Variants in RNLS observed in about 807,000 individuals in gnomAD.
RNLS encodes the protein renalase, FAD dependent amine oxidase, also known as renalase.
A neutral mutation model predicts 39.8 loss-of-function variants in RNLS; 39 were observed. The observed-to-expected ratio is 0.98, with a 90% CI of 0.76 to 1.28. The LOEUF (loss-of-function observed/expected upper bound fraction) is 1.28. Among genes scored for constraint, RNLS ranks in the 50% most tolerant of loss-of-function variants. The pLI, the probability that RNLS is intolerant of heterozygous loss-of-function variation, is 0.00. For missense variants in RNLS, 410 were observed against 413.3 expected, an observed-to-expected ratio of 0.99 and a Z score of 0.07; for synonymous variants, 147 against 150.7, an observed-to-expected ratio of 0.98 and a Z score of 0.18.
downstream of RNLS, among the ~76,000 whole-genome samples, chr10:88,272,996 C>T (rs1589440900): frequency 6.6e-6 from 1 of 152,150 alleles, no homozygotes; most frequent in South Asian, 2.1e-4. Context: ...TATCCTCCCT[C>T]GGGTGATGCT....
the RNLS span, among the ~76,000 whole-genome samples, chr10:88,246,970 T>G: frequency 6.4e-4 from 97 of 152,294 alleles, no homozygotes; most frequent in Middle Eastern, 0.02. Context: ...TAGGCCAAAA[T>G]GGAAAGCAGT....
intron 5 of RNLS, among the ~76,000 whole-genome samples, chr10:88,319,165 T>C (rs1845988965): frequency 6.6e-6 from 1 of 151,958 alleles, no homozygotes; most frequent in African/African-American, 2.4e-5. Flanking sequence ...CTACCCACAA[T>C]GAAGGACCCA....
chr10:88,470,453 C>T (rs1843455118), intron 4 of RNLS, among the ~76,000 whole-genome samples: 1 of 152,096 alleles, frequency 6.6e-6, no homozygotes, highest in South Asian at 2.1e-4. Flanking sequence ...CAAGTTAATG[C>T]TATAATCATC....
At chr10:88,367,769 T>C (rs1230452082) in intron 4 of RNLS, among the ~76,000 whole-genome samples, 1 of 152,136 alleles carries the variant, frequency 6.6e-6, no homozygotes, top group Non-Finnish European at 1.5e-5. Flanking sequence ...TGGTGACTAA[T>C]ATTTGAAAAT....
chr10:88,333,883 C>T (rs548916215), intron 5 of RNLS, among the ~76,000 whole-genome samples: 1 of 152,108 alleles, frequency 6.6e-6, no homozygotes, highest in Admixed American at 6.5e-5. Flanking sequence ...AGCAAGAAGT[C>T]GCCACCTCTG....
chr10:88,397,609 AT>A (rs1249645988), intron 4 of RNLS, among the ~76,000 whole-genome samples: 3 of 151,988 alleles, frequency 2.0e-5, no homozygotes, highest in South Asian at 2.1e-4. Context: ...AAGAAAAAAA[AT>A]AATAACTATT....
intron 4 of RNLS, among the ~76,000 whole-genome samples, chr10:88,489,902 T>C (rs1298039858): frequency 6.6e-6 from 1 of 152,160 alleles, no homozygotes; most frequent in Non-Finnish European, 1.5e-5. Context: ...CCCTAACTCT[T>C]TTATGAATTA....
intron 4 of RNLS, among the ~76,000 whole-genome samples, chr10:88,391,461 G>A (rs1172999404): frequency 6.6e-6 from 1 of 152,172 alleles, no homozygotes; most frequent in African/African-American, 2.4e-5. Flanking sequence ...GGGAGGCTGA[G>A]GCAGGAGAAT....
intron 5 of RNLS, among the ~76,000 whole-genome samples, chr10:88,318,156 G>A (rs1436803974): frequency 6.6e-6 from 1 of 152,200 alleles, no homozygotes; most frequent in East Asian, 1.9e-4. Flanking sequence ...CTGCCCTTGA[G>A]TCACCACACC....
chr10:88,239,147 T>G, the RNLS span, among the ~76,000 whole-genome samples: 1 of 152,152 alleles, frequency 6.6e-6, no homozygotes, highest in Non-Finnish European at 1.5e-5. Context: ...GGGGCTCTCC[T>G]GAAATGTTTG....
the RNLS span, among the ~76,000 whole-genome samples, chr10:88,252,394 C>A: frequency 6.6e-6 from 1 of 152,090 alleles, no homozygotes; most frequent in African/African-American, 2.4e-5. Context: ...TTTAGGTGTC[C>A]AATCCCTTAC....
intron 4 of RNLS, among the ~76,000 whole-genome samples, chr10:88,446,923 C>T (rs1842068167): frequency 6.6e-6 from 1 of 152,218 alleles, no homozygotes; most frequent in Non-Finnish European, 1.5e-5. Flanking sequence ...ACATGATTAT[C>T]TCAATAAATG....
At chr10:88,341,456 ATTAC>A (rs1847956221) in intron 5 of RNLS, among the ~76,000 whole-genome samples, 1 of 152,164 alleles carries the variant, frequency 6.6e-6, no homozygotes, top group Admixed American at 6.5e-5. Context: ...TAAACAATGA[ATTAC>A]TTATGTAGAC....
At chr10:88,559,230 C>T (rs988930091) in intron 4 of RNLS, among the ~76,000 whole-genome samples, 1 of 152,064 alleles carries the variant, frequency 6.6e-6, no homozygotes, top group Non-Finnish European at 1.5e-5. Context: ...TGTAGTATAA[C>T]TTATTCATGT....
intron 4 of RNLS, among the ~76,000 whole-genome samples, chr10:88,524,082 G>A (rs934176995): frequency 6.6e-6 from 1 of 151,694 alleles, no homozygotes; most frequent in African/African-American, 2.4e-5. Context: ...CTATCTTCTC[G>A]TAATTTTTGA....
intron 5 of RNLS, chr10:88,343,844 C>T (rs1589603276): frequency 1.0e-6 from 1 of 981,854 alleles, no homozygotes; most frequent in Non-Finnish European, 1.2e-6. Context: ...TTCAATAGTC[C>T]TTTAATTGAA....
chr10:88,473,478 T>C (rs1191655551), intron 4 of RNLS, among the ~76,000 whole-genome samples: 1 of 152,028 alleles, frequency 6.6e-6, no homozygotes, highest in East Asian at 1.9e-4. Context: ...TGTTATAAAA[T>C]GATGGTTAAA....
the RNLS span, among the ~76,000 whole-genome samples, chr10:88,225,133 C>T: frequency 6.6e-6 from 1 of 152,194 alleles, no homozygotes; most frequent in Non-Finnish European, 1.5e-5. Context: ...TTTTCAGTTT[C>T]TACACCCACT....
Position 88,547,077 on chromosome 10 carries a change from G to A in RNLS, c.526+25826C>T, listed in dbSNP as rs139452968. On this transcript the variant is annotated intron_variant, in intron 4 of 6. Transcript: ENST00000331772. ...TGGGAATGAAAGGTTGAACAGGAGCGTGAGCTTTTTCATTTCATTATTCTG... is the reference window on the plus strand; with the variant it reads ...TGGGAATGAAAGGTTGAACAGGAGCATGAGCTTTTTCATTTCATTATTCTG... Among the ~76,000 whole-genome samples the A allele has an allele frequency of 1.4e-3, 216 of 152,306 alleles. 1 individual carries two copies. The highest frequency in any genetic ancestry group is 4.9e-3 in the African/African-American group (205 of 41,560).
Sources: gnomAD v4.1 joint callset for allele counts (sites outside exome capture counted in the v4.1 genomes callset) on GRCh38, gnomAD v4.1.1 for gene constraint, MANE v1.5 for transcripts, NCBI Gene and HGNC (gene_info 2026-07-23, HGNC 2026-07-21) for gene names.